The following TMC2 variants were observed in gnomAD, a reference collection of about 807,000 sequenced individuals.
TMC2 encodes the protein transmembrane channel like 2.
A neutral mutation model predicts 105.9 loss-of-function variants in TMC2; 102 were observed. That is an observed-to-expected ratio of 0.96 (90% confidence interval 0.82 to 1.14). The LOEUF is 1.14. TMC2 is among the 50% of genes most tolerant of loss of function. The pLI is 0.00. For missense variants in TMC2, 1,093 were observed against 1,134.3 expected, an observed-to-expected ratio of 0.96 and a Z score of 0.52; for synonymous variants, 402 against 422.8, an observed-to-expected ratio of 0.95 and a Z score of 0.60.
intron 5 of TMC2, among the ~76,000 whole-genome samples, chr20:2,578,381 T>C (rs1193844578): frequency 1.3e-5 from 2 of 152,218 alleles, no homozygotes; most frequent in South Asian, 2.1e-4. Context: ...CTACCTCTTA[T>C]GCTTTCTATG....
In TMC2 at chr20:2,637,494, T is replaced by G. The variant is rs6083915; in HGVS notation, c.2406T>G (p.Ser802Arg). 1 of 1,612,974 alleles carries G rather than the reference T, an allele frequency of 6.2e-7. No homozygotes were observed. Among genetic ancestry groups the G allele is most frequent in the Non-Finnish European group, 8.5e-7 (1 of 1,179,566 alleles). ...TGCAGCTCCGTGAAGTTGAGAAGAG[T>G]CACAAATCTGTAAAAGGCAAAGCCA... ...KIQVLREVEKSHKSVKGKATA... is the reference protein window; with the variant it reads ...KIQVLREVEKRHKSVKGKATA... The change falls in exon 19 of 20, where the codon AGT becomes AGG. Residue 802 changes from serine (S) to arginine (R), a missense_variant. Coordinates refer to ENST00000358864, the MANE Select transcript of TMC2 (RefSeq NM_080751.3).
At chr20:2,586,436 T>C (rs1446280419) in intron 7 of TMC2, among the ~76,000 whole-genome samples, 1 of 152,128 alleles carries the variant, frequency 6.6e-6, no homozygotes, top group African/African-American at 2.4e-5. Context: ...TGAGGCTGGG[T>C]AATTTATAAA....
chr20:2,539,697 G>A (rs6049882), intron 2 of TMC2, among the ~76,000 whole-genome samples: 5,575 of 152,170 alleles, frequency 0.037, 299 homozygotes, highest in African/African-American at 0.12. Context: ...GTTTTGCTCC[G>A]TCCCTTTTGC....
In TMC2 at chr20:2,624,397, G is replaced by C. The variant is rs1336913666; in HGVS notation, c.2306+1G>C. On this transcript the variant is annotated splice_donor_variant, in intron 17 of 19. Coordinates refer to ENST00000358864, the MANE Select transcript of TMC2 (RefSeq NM_080751.3). LOFTEE classifies it high-confidence loss of function. ...TCATCCCAGCCATCCTGCTGATGTT[G>C]TAAGTTAGCCAGGACCCATGGCTCC... is the stretch of plus-strand genomic sequence containing the variant. The C allele has an allele frequency of 3.1e-6, 5 of 1,612,958 alleles. No homozygotes were observed. Among genetic ancestry groups the C allele is most frequent in the Non-Finnish European group, 4.2e-6 (5 of 1,179,560 alleles).
In TMC2 at chr20:2,610,124, C is replaced by T. The variant is rs111665745; in HGVS notation, c.1414-295C>T. Among the ~76,000 whole-genome samples the T allele has an allele frequency of 8.0e-4, 122 of 152,336 alleles. 2 individuals carry two copies. The highest frequency in any genetic ancestry group is 2.7e-3 in the African/African-American group (111 of 41,578). On this transcript the variant is annotated intron_variant, in intron 11 of 19. Coordinates refer to ENST00000358864, the MANE Select transcript of TMC2 (RefSeq NM_080751.3). ...TCGGCTTCCCAAAGTGCTGGGATTA[C>T]AGGCGTGAGCCATTGCGCCTGGCCA...
intron 5 of TMC2, among the ~76,000 whole-genome samples, chr20:2,573,990 A>G (rs2086124476): frequency 6.6e-6 from 1 of 152,224 alleles, no homozygotes; most frequent in Non-Finnish European, 1.5e-5. Context: ...GCATCAATTG[A>G]TAATGGTGAT....
chr20:2,638,369 T>C (rs943120310), intron 19 of TMC2, among the ~76,000 whole-genome samples: 2 of 121,672 alleles, frequency 1.6e-5, no homozygotes, highest in African/African-American at 3.0e-5. Context: ...AAAAAAAAAA[T>C]CTCTAGCACA....
intron 5 of TMC2, among the ~76,000 whole-genome samples, chr20:2,575,411 A>G (rs760605206): frequency 1.1e-4 from 17 of 150,502 alleles, no homozygotes; most frequent in Non-Finnish European, 2.1e-4. Context: ...AAAGTCGGAG[A>G]ATGGCTTATC....
intron 5 of TMC2, among the ~76,000 whole-genome samples, chr20:2,577,287 C>T (rs936089452): frequency 9.9e-5 from 15 of 151,562 alleles, no homozygotes; most frequent in African/African-American, 3.6e-4. Flanking sequence ...GTGATCCACC[C>T]ACCTCAGCCT....
At chr20:2,628,552 G>A (rs1432089005) in intron 17 of TMC2, among the ~76,000 whole-genome samples, 1 of 152,022 alleles carries the variant, frequency 6.6e-6, no homozygotes, top group African/African-American at 2.4e-5. Flanking sequence ...ATTGGTTCAT[G>A]GAGGCAGTTC....
intron 11 of TMC2, 150 bp downstream of exon 11, chr20:2,602,451 T>A: frequency 1.6e-6 from 1 of 622,556 alleles, no homozygotes; most frequent in South Asian, 3.3e-5. Flanking sequence ...ATAGCATGAA[T>A]ATCCTGAAGA....
chr20:2,581,051 T>C, intron 7 of TMC2, among the ~76,000 whole-genome samples: 1 of 152,164 alleles, frequency 6.6e-6, no homozygotes, highest in East Asian at 1.9e-4. Flanking sequence ...CATTTAGTAT[T>C]TTCTTCCTCA....
chr20:2,621,733 G>T (rs1213215948), intron 16 of TMC2, among the ~76,000 whole-genome samples: 2 of 152,144 alleles, frequency 1.3e-5, no homozygotes, highest in Non-Finnish European at 2.9e-5. Flanking sequence ...CTTGAGGTTG[G>T]TGATTCTTTC....
At chr20:2,595,139 T>C (rs566708730) in intron 9 of TMC2, among the ~76,000 whole-genome samples, 172 bp downstream of exon 9, 28 of 152,252 alleles carry the variant, frequency 1.8e-4, no homozygotes, top group African/African-American at 6.5e-4. Context: ...AACCAGGCCA[T>C]GTGGGATGTG....
intron 9 of TMC2, among the ~76,000 whole-genome samples, chr20:2,595,561 C>T (rs990130154): frequency 1.3e-5 from 2 of 152,174 alleles, no homozygotes; most frequent in African/African-American, 4.8e-5. Context: ...CAGAAGTGGC[C>T]TTTTAATATG....
At chr20:2,610,347 A>C (rs984422663) in intron 11 of TMC2, 72 bp from the exon 12 acceptor site, 1 of 1,391,850 alleles carries the variant, frequency 7.2e-7, no homozygotes, top group African/African-American at 1.4e-5. Context: ...ATGGATGGCC[A>C]TGGGAGTGCA....
At chr20:2,599,078 G>A (rs901016716) in intron 10 of TMC2, among the ~76,000 whole-genome samples, 5 of 152,180 alleles carry the variant, frequency 3.3e-5, no homozygotes, top group Admixed American at 6.5e-5. Flanking sequence ...AGTATTTTTA[G>A]TAGAGATGGG....
At chr20:2,634,896 A>G (rs2086630425) in intron 17 of TMC2, among the ~76,000 whole-genome samples, 1 of 152,016 alleles carries the variant, frequency 6.6e-6, no homozygotes, top group African/African-American at 2.4e-5. Context: ...TCTGACCTAC[A>G]CTCTGCCCCA....
intron 15 of TMC2, 21 bp from the exon 16 acceptor site, chr20:2,617,051 G>A (rs374089421): frequency 1.2e-6 from 2 of 1,613,818 alleles, no homozygotes; most frequent in East Asian, 2.2e-5. Flanking sequence ...CCAACCAGGT[G>A]TTTGGTTTCT....
Sources: gnomAD v4.1 joint callset for allele counts (sites outside exome capture counted in the v4.1 genomes callset) on GRCh38, gnomAD v4.1.1 for gene constraint, MANE v1.5 for transcripts, NCBI Gene and HGNC (gene_info 2026-07-23, HGNC 2026-07-21) for gene names.